The following PTPN4 variants were observed in gnomAD, a reference collection of about 807,000 sequenced individuals.
The protein encoded by PTPN4 is protein tyrosine phosphatase non-receptor type 4, also known as tyrosine-protein phosphatase non-receptor type 4.
A neutral mutation model predicts 135.5 loss-of-function variants in PTPN4; 49 were observed. The ratio of observed to expected loss-of-function variants is 0.36; its 90% CI spans 0.29 to 0.46. The LOEUF (loss-of-function observed/expected upper bound fraction) is 0.46, where lower values mean the gene tolerates loss of function less well. PTPN4 is among the 20% of genes least tolerant of loss of function. The pLI, the probability that PTPN4 is intolerant of heterozygous loss-of-function variation, is 1.00. For synonymous variants in PTPN4, 333 were observed against 369.9 expected, an observed-to-expected ratio of 0.90 and a Z score of 1.14; for missense variants, 860 against 1,101.0, an observed-to-expected ratio of 0.78 and a Z score of 3.10.
At chr2:119,783,675 G>A (rs574591185) in intron 1 of PTPN4, among the ~76,000 whole-genome samples, 4 of 152,256 alleles carry the variant, frequency 2.6e-5, no homozygotes, top group Admixed American at 2.0e-4. Flanking sequence ...TTTTGCCTGC[G>A]TAACCGTAGG....
At chr2:119,822,875 A>G (rs1021791301) in intron 2 of PTPN4, among the ~76,000 whole-genome samples, 5 of 152,204 alleles carry the variant, frequency 3.3e-5, no homozygotes, top group African/African-American at 1.2e-4. Flanking sequence ...AAGACTAACA[A>G]CAGTGGATGG....
chr2:119,795,632 G>A (rs924237966), intron 1 of PTPN4, among the ~76,000 whole-genome samples: 1 of 152,250 alleles, frequency 6.6e-6, no homozygotes, highest in Non-Finnish European at 1.5e-5. Context: ...ACACCTCTGA[G>A]CCTGTGAGGG....
intron 26 of PTPN4, among the ~76,000 whole-genome samples, chr2:119,969,822 T>TGCTG (rs1386571533): frequency 6.6e-6 from 1 of 152,094 alleles, no homozygotes; most frequent in Non-Finnish European, 1.5e-5. Flanking sequence ...CCTTCCAAAG[T>TGCTG]GCTGGGATTA....
chr2:119,815,013 AATT>A (rs1214677122), intron 2 of PTPN4, among the ~76,000 whole-genome samples: 1 of 152,210 alleles, frequency 6.6e-6, no homozygotes, highest in Non-Finnish European at 1.5e-5. Context: ...AGTTGAGCAC[AATT>A]AAGGTGACCA....
intron 2 of PTPN4, among the ~76,000 whole-genome samples, chr2:119,824,402 A>G (rs1241403370): frequency 6.6e-6 from 1 of 152,226 alleles, no homozygotes; most frequent in Non-Finnish European, 1.5e-5. Flanking sequence ...GTTGGTCTCC[A>G]ACTCCTGGGC....
At chr2:119,840,416 T>A (rs1201216696) in intron 2 of PTPN4, among the ~76,000 whole-genome samples, 1 of 152,156 alleles carries the variant, frequency 6.6e-6, no homozygotes, top group African/African-American at 2.4e-5. Context: ...CCAGCTCCAT[T>A]CATGTCCTTG....
chr2:119,852,928 A>C (rs1384095170), intron 2 of PTPN4, among the ~76,000 whole-genome samples: 5 of 151,914 alleles, frequency 3.3e-5, no homozygotes, highest in East Asian at 1.9e-4. Flanking sequence ...TTAATTTCCA[A>C]ATTTTTCCTA....
chr2:119,956,456 G>A (rs1203040196), intron 20 of PTPN4, among the ~76,000 whole-genome samples: 1 of 152,052 alleles, frequency 6.6e-6, no homozygotes, highest in African/African-American at 2.4e-5. Context: ...TTATAGGTAA[G>A]TGTTTAACTA....
At chr2:119,766,456 G>GC (rs1558718903) in intron 1 of PTPN4, among the ~76,000 whole-genome samples, 5 of 110,114 alleles carry the variant, frequency 4.5e-5, no homozygotes, top group African/African-American at 1.8e-4. Flanking sequence ...GCGCGTGTGT[G>GC]TGTGTGTGTG....
chr2:119,977,124 C>T lies in PTPN4; in HGVS notation c.*54C>T. On this transcript the variant is annotated 3_prime_UTR_variant, in exon 27 of 27. Coordinates refer to ENST00000263708, the MANE Select transcript of PTPN4 (RefSeq NM_002830.4). ...GGAAAACTGCTTTCCCTTATGTTCACTGTGCCATAATGCTGCTCGCAGGAA... is the reference window on the plus strand; with the variant it reads ...GGAAAACTGCTTTCCCTTATGTTCATTGTGCCATAATGCTGCTCGCAGGAA... The T allele has an allele frequency of 6.5e-7, 1 of 1,531,402 alleles. No homozygotes were observed. The highest frequency in any genetic ancestry group is 2.4e-5 in the East Asian group (1 of 42,284). 94.9% of individuals were successfully genotyped at this position (1,531,402 alleles called of 1,614,324 possible). A position where few individuals can be genotyped will look rare whatever the true frequency, so the allele number is the denominator to read the frequency against.
intron 15 of PTPN4, among the ~76,000 whole-genome samples, chr2:119,935,667 T>G (rs535267527): frequency 6.6e-6 from 1 of 152,308 alleles, no homozygotes; most frequent in Non-Finnish European, 1.5e-5. Flanking sequence ...CTGTGGGGAA[T>G]TAGTTGGCAA....
intron 18 of PTPN4, 90 bp from the exon 19 acceptor site, chr2:119,951,883 C>T (rs1277370316): frequency 9.8e-6 from 10 of 1,025,160 alleles, no homozygotes; most frequent in Admixed American, 8.9e-5. Context: ...GTTTAGTTCT[C>T]CTGCTATTGG....
At chr2:119,851,901 C>T (rs1486553089) in intron 2 of PTPN4, among the ~76,000 whole-genome samples, 2 of 152,208 alleles carry the variant, frequency 1.3e-5, no homozygotes, top group African/African-American at 4.8e-5. Context: ...CCTCTCCTGC[C>T]TGGCTTATGC....
At chr2:119,777,733 C>T (rs926531953) in intron 1 of PTPN4, among the ~76,000 whole-genome samples, 6 of 152,144 alleles carry the variant, frequency 3.9e-5, no homozygotes, top group Non-Finnish European at 8.8e-5. Flanking sequence ...CAGCTCACTG[C>T]GGTCTCAACC....
intron 1 of PTPN4, among the ~76,000 whole-genome samples, chr2:119,804,648 A>G (rs1022372024): frequency 9.2e-5 from 14 of 152,130 alleles, no homozygotes; most frequent in Non-Finnish European, 5.9e-5. Context: ...CATGGTGTAT[A>G]TGTGCCACAT....
At chr2:119,951,600 G>T (rs1329356072) in intron 18 of PTPN4, among the ~76,000 whole-genome samples, 1 of 152,148 alleles carries the variant, frequency 6.6e-6, no homozygotes, top group Non-Finnish European at 1.5e-5. Context: ...ATGCACTGTG[G>T]TAACTAAAGT....
chr2:119,761,240 T>C (rs1307434705), intron 1 of PTPN4, among the ~76,000 whole-genome samples: 1 of 152,194 alleles, frequency 6.6e-6, no homozygotes, highest in Non-Finnish European at 1.5e-5. Flanking sequence ...AAAAGGCCAA[T>C]GTGTCCGACT....
chr2:119,844,601 T>C (rs1303251838), intron 2 of PTPN4, among the ~76,000 whole-genome samples: 1 of 150,042 alleles, frequency 6.7e-6, no homozygotes, highest in Non-Finnish European at 1.5e-5. Context: ...GAGGCGCTCC[T>C]CACATCCCAG....
intron 3 of PTPN4, among the ~76,000 whole-genome samples, chr2:119,869,025 A>G (rs1432601615): frequency 1.3e-5 from 2 of 152,252 alleles, no homozygotes; most frequent in African/African-American, 4.8e-5. Context: ...AACATGTCTC[A>G]TAAAGCCTTG....
Sources: allele counts gnomAD v4.1 joint callset (sites outside exome capture counted in the v4.1 genomes callset), GRCh38; gene constraint gnomAD v4.1.1; transcripts MANE v1.5; gene names NCBI Gene and HGNC (gene_info 2026-07-23, HGNC 2026-07-21).